LRRFIP1: variants seen among roughly 807,000 people sequenced by gnomAD.
The protein encoded by LRRFIP1 is leucine-rich repeat flightless-interacting protein 1.
A neutral mutation model predicts 104.4 loss-of-function variants in LRRFIP1; 62 were observed. The ratio of observed to expected loss-of-function variants is 0.59; its 90% CI spans 0.48 to 0.73. The LOEUF (loss-of-function observed/expected upper bound fraction) is 0.73, where lower values mean the gene tolerates loss of function less well. Among genes scored for constraint, LRRFIP1 ranks in the 30% least tolerant of loss-of-function variants. LRRFIP1 has a pLI of 0.00. For synonymous variants in LRRFIP1, 300 were observed against 299.0 expected (o/e 1.00, Z -0.03); for missense variants, 796 against 824.5 (o/e 0.97, Z 0.42).
intron 1 of LRRFIP1, among the ~76,000 whole-genome samples, chr2:237,671,327 C>T (rs2090305584): frequency 6.6e-6 from 1 of 152,228 alleles, no homozygotes; most frequent in Non-Finnish European, 1.5e-5. Context: ...AACACTTCAA[C>T]TCCACTTAAG....
chr2:237,651,895 G>A (rs1347557070), intron 1 of LRRFIP1, among the ~76,000 whole-genome samples: 1 of 152,166 alleles, frequency 6.6e-6, no homozygotes, highest in Non-Finnish European at 1.5e-5. Context: ...CTTTGCACGG[G>A]TAGCCTCTCA....
Position 237,703,935 on chromosome 2 carries a change from C to T in LRRFIP1, c.97-4609C>T, listed in dbSNP as rs1442572559. On this transcript the variant is annotated intron_variant, in intron 1 of 23. Coordinates refer to ENST00000308482, the MANE Select transcript of LRRFIP1 (RefSeq NM_001137550.2). This position sits in a 1 kb window ranked among gnomAD's most constrained non-coding sequence, Gnocchi z 4.3. ...CAAGCAGTCTGACGTGGCTGTGGCCCGTCATGAGATTTTATATTTTACAAA... is the reference window on the plus strand; with the variant it reads ...CAAGCAGTCTGACGTGGCTGTGGCCTGTCATGAGATTTTATATTTTACAAA... 1.3e-5 allele frequency among the ~76,000 whole-genome samples: 2 copies of T among 152,014 alleles called. No homozygotes were observed. The highest frequency in any genetic ancestry group is 4.8e-5 in the African/African-American group (2 of 41,380).
chr2:237,740,299 G>T (rs182469352), intron 11 of LRRFIP1, among the ~76,000 whole-genome samples: 3 of 151,584 alleles, frequency 2.0e-5, no homozygotes, highest in African/African-American at 4.9e-5. Context: ...ATCTGTAGTC[G>T]CAGCTACTCA....
chr2:237,781,176 T>C lies in LRRFIP1; in HGVS notation c.*1644T>C, dbSNP rs1260331103. Among the ~76,000 whole-genome samples the C allele has an allele frequency of 6.6e-6, 1 of 152,224 alleles. No individual in the cohort carries two copies. Among genetic ancestry groups the C allele is most frequent in the Non-Finnish European group, 1.5e-5 (1 of 68,048 alleles). On this transcript the variant is annotated 3_prime_UTR_variant, in exon 24 of 24. Transcript: ENST00000308482. Reference sequence around the variant, plus strand: ...TCCACAACATCTGAATACAAGCATGTTTAACTGGGAAAATGTCTATGTCAT... The same window carrying C: ...TCCACAACATCTGAATACAAGCATGCTTAACTGGGAAAATGTCTATGTCAT...
intron 11 of LRRFIP1, among the ~76,000 whole-genome samples, chr2:237,739,899 G>A (rs566579496): frequency 1.1e-4 from 17 of 152,214 alleles, no homozygotes; most frequent in African/African-American, 3.6e-4. Flanking sequence ...GCTTGAAGGC[G>A]ACCCTATGAC....
chr2:237,746,220 A>C (rs2057835190), intron 11 of LRRFIP1, among the ~76,000 whole-genome samples: 1 of 151,838 alleles, frequency 6.6e-6, no homozygotes, highest in Non-Finnish European at 1.5e-5. Context: ...CACCACACAC[A>C]GCTAATTTTT....
At chr2:237,692,181 G>T (rs2092833454) in intron 1 of LRRFIP1, 1 of 1,031,962 alleles carries the variant, frequency 9.7e-7, no homozygotes, top group Non-Finnish European at 1.2e-6. Flanking sequence ...ACGGGCGGAG[G>T]CGCCCGAGTC....
At chr2:237,741,988 A>G (rs1316578742) in intron 11 of LRRFIP1, among the ~76,000 whole-genome samples, 2 of 152,194 alleles carry the variant, frequency 1.3e-5, no homozygotes, top group Non-Finnish European at 2.9e-5. Flanking sequence ...GGATTTTGTT[A>G]AGCATTGTCT....
At chr2:237,757,972 C>T (rs2059448471) in intron 17 of LRRFIP1, among the ~76,000 whole-genome samples, 1 of 151,710 alleles carries the variant, frequency 6.6e-6, no homozygotes, top group African/African-American at 2.4e-5. Flanking sequence ...TGAAATCTTC[C>T]CCAGGGAAGG....
At chr2:237,751,875 G>A (rs1467812902) in intron 14 of LRRFIP1, among the ~76,000 whole-genome samples, 1 of 152,188 alleles carries the variant, frequency 6.6e-6, no homozygotes, top group African/African-American at 2.4e-5. Context: ...TGACAGTAAG[G>A]TGGGCAATCA....
chr2:237,641,229 A>G (rs1210493440), intron 1 of LRRFIP1, among the ~76,000 whole-genome samples: 1 of 150,720 alleles, frequency 6.6e-6, no homozygotes, highest in East Asian at 1.9e-4. Context: ...AAAAAAAAAA[A>G]GGCCAGGTGC....
Position 237,633,426 on chromosome 2 carries a change from C to T in LRRFIP1, c.96+5686C>T, listed in dbSNP as rs189609573. 2.2e-3 allele frequency among the ~76,000 whole-genome samples: 330 copies of T among 152,328 alleles called. 1 individual carries two copies. The highest frequency in any genetic ancestry group is 7.5e-3 in the African/African-American group (312 of 41,584). ...AACGGCCCTGGGCCCCACCCCACAG[C>T]TATTTCTGTCAGAGGGCCAGCTGTC... is the stretch of plus-strand genomic sequence containing the variant. On this transcript the variant is annotated intron_variant, in intron 1 of 23. Transcript: ENST00000308482.
intron 1 of LRRFIP1, among the ~76,000 whole-genome samples, chr2:237,692,854 GT>G (rs1191651003): frequency 6.6e-6 from 1 of 152,278 alleles, no homozygotes; most frequent in African/African-American, 2.4e-5. Context: ...GGAGCTGCTA[GT>G]TTGCTATTTT....
intron 1 of LRRFIP1, among the ~76,000 whole-genome samples, chr2:237,684,803 T>C (rs1281699439): frequency 1.3e-5 from 2 of 152,140 alleles, no homozygotes; most frequent in Non-Finnish European, 2.9e-5. Flanking sequence ...AAAACAAAAT[T>C]GGGCCTGGTG....
rs1057169097 is a variant in LRRFIP1, at chr2:237,717,010, T to G, written c.202-752T>G. Among the ~76,000 whole-genome samples, 2 of 151,076 alleles carry G rather than the reference T, an allele frequency of 1.3e-5. No homozygotes were observed. The highest frequency in any genetic ancestry group is 5.0e-5 in the African/African-American group (2 of 40,360). ...AACTCTTTTAAAACATTATGAAATTTTTTTTGCAATTTTTTTTTTTTAGCT... is the reference window on the plus strand; with the variant it reads ...AACTCTTTTAAAACATTATGAAATTGTTTTTGCAATTTTTTTTTTTTAGCT... On this transcript the variant is annotated intron_variant, in intron 3 of 23. Coordinates refer to ENST00000308482, the MANE Select transcript of LRRFIP1 (RefSeq NM_001137550.2). The surrounding 1 kb of genome is among the most constrained non-coding windows in gnomAD (Gnocchi z 4.2).
At chr2:237,715,404 C>G (rs1394829555) in intron 3 of LRRFIP1, among the ~76,000 whole-genome samples, 2 of 152,220 alleles carry the variant, frequency 1.3e-5, no homozygotes, top group Non-Finnish European at 2.9e-5. Flanking sequence ...GCAGGACGCT[C>G]TCATCCAAAA....
At position 237,717,852 on chromosome 2, in the gene LRRFIP1, C is replaced by G; in HGVS notation, c.249+43C>G. ...TTTTGTTTTTACTCTTCCCTCCCCACTTGAATACAGTGTTGAGACTTAAAT... is the reference window on the plus strand; with the variant it reads ...TTTTGTTTTTACTCTTCCCTCCCCAGTTGAATACAGTGTTGAGACTTAAAT... On this transcript the variant is annotated intron_variant, in intron 4 of 23. Coordinates refer to ENST00000308482, the MANE Select transcript of LRRFIP1 (RefSeq NM_001137550.2). The surrounding 1 kb of genome is among the most constrained non-coding windows in gnomAD (Gnocchi z 4.2). The G allele has an allele frequency of 7.0e-7, 1 of 1,419,128 alleles. No homozygotes were observed. The highest frequency in any genetic ancestry group is 1.0e-6 in the Non-Finnish European group (1 of 1,002,324). The allele number at this position is 1,419,128 out of a possible 1,614,324, so 87.9% of individuals were successfully genotyped here.
At chr2:237,749,080 TCCTCCCACCAGGGCCGTC>T in intron 12 of LRRFIP1, 101 bp from the exon 13 acceptor site, 1 of 1,034,224 alleles carries the variant, frequency 9.7e-7, no homozygotes, top group Non-Finnish European at 1.4e-6. Context: ...TGATCCAGTC[TCCTCCCACCAGGGCCGTC>T]CCTCATCTTG....
chr2:237,754,404 A>G (rs1382471410), intron 15 of LRRFIP1, among the ~76,000 whole-genome samples: 1 of 152,198 alleles, frequency 6.6e-6, no homozygotes, highest in Non-Finnish European at 1.5e-5. Context: ...AGTCTCAAGC[A>G]TGAGTCATGT....
Sources: allele counts gnomAD v4.1 joint callset (sites outside exome capture counted in the v4.1 genomes callset), GRCh38; gene constraint gnomAD v4.1.1; non-coding constraint Gnocchi (gnomAD v3.1); transcripts MANE v1.5; gene names NCBI Gene and HGNC (gene_info 2026-07-23, HGNC 2026-07-21).